PTPRD: variants seen among roughly 807,000 people sequenced by gnomAD.
PTPRD encodes the protein protein tyrosine phosphatase receptor type D, also known as receptor-type tyrosine-protein phosphatase delta.
A neutral mutation model predicts 214.5 loss-of-function variants in PTPRD; 34 were observed. The observed-to-expected ratio is 0.16, with a 90% CI of 0.12 to 0.21. The LOEUF (loss-of-function observed/expected upper bound fraction) is 0.21. Among genes scored for constraint, PTPRD ranks in the 10% least tolerant of loss-of-function variants. PTPRD has a pLI of 1.00. For missense variants in PTPRD, 2,545 were observed against 2,398.7 expected, an observed-to-expected ratio of 1.06 and a Z score of -1.27; for synonymous variants, 1,128 against 845.7, an observed-to-expected ratio of 1.33 and a Z score of -5.79.
chr9:9,370,468 T>A (rs1434230058), intron 9 of PTPRD, among the ~76,000 whole-genome samples: 2 of 151,302 alleles, frequency 1.3e-5, no homozygotes, highest in African/African-American at 4.9e-5. Context: ...TTTTGTATGC[T>A]GAGACTTTGC....
chr9:9,873,833 T>C (rs375479643), intron 5 of PTPRD, among the ~76,000 whole-genome samples: 92 of 152,108 alleles, frequency 6.0e-4, no homozygotes, highest in African/African-American at 2.2e-3. Flanking sequence ...TATTGGGAAT[T>C]AGTGTTATGA....
At position 8,588,869 on chromosome 9, in the gene PTPRD, G is replaced by C. The variant is rs917899368; in HGVS notation, c.352+44448C>G. Reference sequence around the variant, plus strand: ...TTCCCTGTTTCAAAAGGATAATCTGGATAATTGTTAAAATAGAGATTCTTG... The same window carrying C: ...TTCCCTGTTTCAAAAGGATAATCTGCATAATTGTTAAAATAGAGATTCTTG... On this transcript the variant is annotated intron_variant, in intron 14 of 45. Transcript: ENST00000381196. Among the ~76,000 whole-genome samples the C allele has an allele frequency of 2.6e-5, 4 of 151,922 alleles. No individual in the cohort carries two copies. The South Asian group carries it at 6.3e-4, about 24-fold the overall frequency.
chr9:9,074,635 G>A (rs140721184), intron 10 of PTPRD, among the ~76,000 whole-genome samples: 138 of 151,964 alleles, frequency 9.1e-4, no homozygotes, highest in African/African-American at 3.1e-3. Flanking sequence ...CACCTTTCAT[G>A]TGCCTGTTTG....
At chr9:9,904,115 T>G (rs916045611) in intron 5 of PTPRD, among the ~76,000 whole-genome samples, 8 of 152,120 alleles carry the variant, frequency 5.3e-5, no homozygotes, top group Admixed American at 4.6e-4. Flanking sequence ...CTCACTTCTC[T>G]CTCTTCTCAC....
chr9:8,401,324 T>C (rs550568883), intron 36 of PTPRD, among the ~76,000 whole-genome samples: 251 of 152,128 alleles, frequency 1.6e-3, no homozygotes, highest in Middle Eastern at 3.4e-3. Flanking sequence ...ACCATCATAC[T>C]AGCGAGTTTT....
At chr9:9,939,024 TTTA>T (rs2090560593) in intron 4 of PTPRD, among the ~76,000 whole-genome samples, 1 of 152,040 alleles carries the variant, frequency 6.6e-6, no homozygotes, top group African/African-American at 2.4e-5. Context: ...TTTTTTTTTT[TTTA>T]ACCATGAAAA....
At chr9:10,467,193 T>G (rs2099000603) in intron 2 of PTPRD, among the ~76,000 whole-genome samples, 1 of 152,276 alleles carries the variant, frequency 6.6e-6, no homozygotes, top group Admixed American at 6.5e-5. Flanking sequence ...TCACTACTTA[T>G]GGGGGCAGAT....
intron 14 of PTPRD, among the ~76,000 whole-genome samples, chr9:8,583,012 A>T (rs2093319106): frequency 6.6e-6 from 1 of 152,172 alleles, no homozygotes; most frequent in African/African-American, 2.4e-5. Context: ...GGATTAATAA[A>T]TTGGGGGTTA....
chr9:9,479,066 T>C (rs1162721833), intron 8 of PTPRD, among the ~76,000 whole-genome samples: 2 of 152,136 alleles, frequency 1.3e-5, no homozygotes, highest in East Asian at 3.9e-4. Context: ...TGTTTTTCCT[T>C]ATGTTTTTTT....
intron 5 of PTPRD, among the ~76,000 whole-genome samples, chr9:9,795,875 TC>T (rs2153487246): frequency 6.6e-6 from 1 of 152,164 alleles, no homozygotes; most frequent in African/African-American, 2.4e-5. Context: ...AACAAAATGA[TC>T]CAAATATACT....
intron 9 of PTPRD, among the ~76,000 whole-genome samples, chr9:9,316,297 T>A (rs1963052635): frequency 6.6e-6 from 1 of 152,030 alleles, no homozygotes; most frequent in Admixed American, 6.6e-5. Context: ...AAATACAATA[T>A]CTGACAAGCA....
chr9:8,344,810 T>G (rs1855979189), intron 39 of PTPRD, among the ~76,000 whole-genome samples: 2 of 151,992 alleles, frequency 1.3e-5, no homozygotes, highest in Non-Finnish European at 2.9e-5. Context: ...ATTCCCATAT[T>G]TCTTAAATGA....
chr9:10,049,600 G>A (rs987462724), intron 3 of PTPRD, among the ~76,000 whole-genome samples: 7 of 152,122 alleles, frequency 4.6e-5, no homozygotes, highest in Non-Finnish European at 8.8e-5. Context: ...TGAAGAGAAA[G>A]TTAATTTGCT....
intron 11 of PTPRD, among the ~76,000 whole-genome samples, chr9:8,966,645 A>G (rs2099197135): frequency 6.6e-6 from 1 of 152,072 alleles, no homozygotes; most frequent in African/African-American, 2.4e-5. Context: ...ACCTCAAACT[A>G]TAAGAATCCT....
Position 10,407,758 on chromosome 9 carries a change from T to C in PTPRD, c.-599-66741A>G, listed in dbSNP as rs182069589. ...TGATTTTTCTAATAAAATGGTAACCTGCTAGATTACCTGCTAGATTTCTAA... is the reference window on the plus strand; with the variant it reads ...TGATTTTTCTAATAAAATGGTAACCCGCTAGATTACCTGCTAGATTTCTAA... On this transcript the variant is annotated intron_variant, in intron 2 of 45. Transcript: ENST00000381196. Among the ~76,000 whole-genome samples the C allele has an allele frequency of 1.6e-3, 239 of 151,750 alleles. 1 individual carries two copies. The highest frequency in any genetic ancestry group is 5.5e-3 in the African/African-American group (227 of 41,482).
intron 7 of PTPRD, among the ~76,000 whole-genome samples, chr9:9,733,053 T>C (rs943738965): frequency 6.6e-6 from 1 of 152,192 alleles, no homozygotes; most frequent in African/African-American, 2.4e-5. Flanking sequence ...CCAAAGGTAA[T>C]GCAAAATTCT....
At chr9:9,160,579 T>C (rs1260667297) in intron 10 of PTPRD, among the ~76,000 whole-genome samples, 2 of 152,132 alleles carry the variant, frequency 1.3e-5, no homozygotes, top group African/African-American at 2.4e-5. Context: ...CTTTTGCTGG[T>C]GGAAATATAA....
chr9:10,521,281 A>G (rs991091968), intron 2 of PTPRD, among the ~76,000 whole-genome samples: 1 of 152,150 alleles, frequency 6.6e-6, no homozygotes, highest in Non-Finnish European at 1.5e-5. Context: ...GGTGGTGGAA[A>G]CAGCAAAAGA....
chr9:9,761,511 G>A (rs1421055999), intron 6 of PTPRD, among the ~76,000 whole-genome samples: 1 of 152,086 alleles, frequency 6.6e-6, no homozygotes, highest in Non-Finnish European at 1.5e-5. Context: ...CAAGGTGATA[G>A]CATTTTATAG....
Sources: allele counts gnomAD v4.1 joint callset (sites outside exome capture counted in the v4.1 genomes callset), GRCh38; gene constraint gnomAD v4.1.1; transcripts MANE v1.5; gene names NCBI Gene and HGNC (gene_info 2026-07-23, HGNC 2026-07-21).